Variants in DPP10 observed in about 807,000 individuals in gnomAD.
DPP10 encodes the protein dipeptidyl peptidase like 10.
Under a neutral mutation model 120.9 loss-of-function variants are expected in DPP10, and 33 were observed. That is an observed-to-expected ratio of 0.27 (90% confidence interval 0.21 to 0.37). The LOEUF is 0.37. Among genes scored for constraint, DPP10 ranks in the 10% least tolerant of loss-of-function variants. The probability of loss-of-function intolerance (pLI) is 1.00; values close to 1 mark genes in which losing one functional copy is unlikely to be tolerated. For synonymous variants in DPP10, 337 were observed against 326.1 expected (o/e 1.03, Z -0.36); for missense variants, 816 against 942.8 (o/e 0.87, Z 1.76).
At chr2:114,477,707 G>A (rs918555489) in intron 1 of DPP10, among the ~76,000 whole-genome samples, 1 of 116,274 alleles carries the variant, frequency 8.6e-6, no homozygotes, top group Non-Finnish European at 2.1e-5. Flanking sequence ...GTATGTGTGT[G>A]TGTATATATA....
intron 1 of DPP10, among the ~76,000 whole-genome samples, chr2:114,713,366 A>G (rs1245672515): frequency 1.3e-5 from 2 of 152,214 alleles, no homozygotes; most frequent in Non-Finnish European, 1.5e-5. Context: ...GTTAAAGGGT[A>G]AAATTATTTT....
chr2:115,625,851 A>G (rs966065673), intron 5 of DPP10, among the ~76,000 whole-genome samples: 5 of 152,026 alleles, frequency 3.3e-5, no homozygotes, highest in Admixed American at 6.6e-5. Flanking sequence ...GTTTTCTCTG[A>G]ACTGATATAA....
At chr2:114,918,201 G>T (rs1040009755) in intron 1 of DPP10, among the ~76,000 whole-genome samples, 7 of 152,118 alleles carry the variant, frequency 4.6e-5, no homozygotes, top group Non-Finnish European at 8.8e-5. Context: ...AGGAAAAAAT[G>T]TTCAATATCA....
At chr2:115,298,512 A>G (rs1297277735) in intron 1 of DPP10, among the ~76,000 whole-genome samples, 1 of 152,050 alleles carries the variant, frequency 6.6e-6, no homozygotes, top group Non-Finnish European at 1.5e-5. Context: ...CACAGGAATC[A>G]TCTGGAGAGC....
At chr2:114,625,041 G>A (rs1694407863) in intron 1 of DPP10, among the ~76,000 whole-genome samples, 1 of 151,922 alleles carries the variant, frequency 6.6e-6, no homozygotes, top group Admixed American at 6.6e-5. Flanking sequence ...CAATAATTAT[G>A]TAATATTTTC....
chr2:115,343,608 G>C (rs901907421), intron 2 of DPP10, among the ~76,000 whole-genome samples: 1 of 151,938 alleles, frequency 6.6e-6, no homozygotes, highest in African/African-American at 2.4e-5. Flanking sequence ...ATTTGTACCA[G>C]ATCAAGACAA....
intron 1 of DPP10, among the ~76,000 whole-genome samples, chr2:115,212,128 G>T (rs2056553469): frequency 6.6e-6 from 1 of 151,976 alleles, no homozygotes; most frequent in Non-Finnish European, 1.5e-5. Context: ...TCAAGTTGTG[G>T]GGTTAATCTT....
At chr2:115,340,566 C>G (rs1056681530) in intron 2 of DPP10, among the ~76,000 whole-genome samples, 1 of 151,520 alleles carries the variant, frequency 6.6e-6, no homozygotes, top group Non-Finnish European at 1.5e-5. Flanking sequence ...ATGAAAGATA[C>G]CATGTTTGAA....
At chr2:115,309,214 A>C in intron 1 of DPP10, 25 bp from the exon 2 acceptor site, 1 of 1,595,654 alleles carries the variant, frequency 6.3e-7, no homozygotes, top group Non-Finnish European at 8.6e-7. Flanking sequence ...GAATAATTAC[A>C]AAACTTTTTT....
intron 7 of DPP10, among the ~76,000 whole-genome samples, chr2:115,715,211 T>C (rs1575589402): frequency 2.0e-5 from 3 of 150,630 alleles, no homozygotes; most frequent in Admixed American, 6.6e-5. Flanking sequence ...TGGTGGCACA[T>C]GCCTGTAATC....
At chr2:115,110,300 G>A (rs1473191306) in intron 1 of DPP10, among the ~76,000 whole-genome samples, 3 of 152,130 alleles carry the variant, frequency 2.0e-5, no homozygotes, top group Non-Finnish European at 2.9e-5. Context: ...TATGATCTTA[G>A]GCAAACCAAC....
At chr2:115,494,221 C>T (rs1469245921) in intron 3 of DPP10, among the ~76,000 whole-genome samples, 1 of 152,154 alleles carries the variant, frequency 6.6e-6, no homozygotes, top group Non-Finnish European at 1.5e-5. Context: ...GGATTACAAG[C>T]ATGAGCCACC....
chr2:115,455,945 A>T (rs1329357704), intron 3 of DPP10, among the ~76,000 whole-genome samples: 1 of 152,206 alleles, frequency 6.6e-6, no homozygotes, highest in East Asian at 1.9e-4. Flanking sequence ...AGCAATGGCA[A>T]CAAAAGCCAC....
intron 1 of DPP10, among the ~76,000 whole-genome samples, chr2:115,294,499 C>T (rs1334189556): frequency 1.3e-5 from 2 of 151,736 alleles, no homozygotes; most frequent in African/African-American, 4.8e-5. Flanking sequence ...TGTACTCTCT[C>T]TTTCTTTTGT....
intron 1 of DPP10, among the ~76,000 whole-genome samples, chr2:115,235,925 G>A (rs558769950): frequency 9.2e-5 from 14 of 152,266 alleles, no homozygotes; most frequent in Admixed American, 7.2e-4. Context: ...TATGGCTTAA[G>A]TCTGCCTCAT....
At chr2:115,024,534 A>C (rs1016488838) in intron 1 of DPP10, among the ~76,000 whole-genome samples, 2 of 151,520 alleles carry the variant, frequency 1.3e-5, no homozygotes, top group African/African-American at 4.8e-5. Flanking sequence ...TAACAGATGC[A>C]CATGTTTTCA....
intron 4 of DPP10, among the ~76,000 whole-genome samples, chr2:115,514,025 C>A (rs577217584): frequency 6.6e-6 from 1 of 151,996 alleles, no homozygotes; most frequent in African/African-American, 2.4e-5. Flanking sequence ...GAAAGTTTAG[C>A]TCGATATAGA....
intron 3 of DPP10, among the ~76,000 whole-genome samples, chr2:115,453,477 T>G (rs1230916259): frequency 6.6e-6 from 1 of 151,546 alleles, no homozygotes; most frequent in African/African-American, 2.4e-5. Context: ...AAAAATAGAA[T>G]TAAATTAGAA....
At chr2:114,443,226 T>C (rs1328526189) in intron 1 of DPP10, among the ~76,000 whole-genome samples, 1 of 152,156 alleles carries the variant, frequency 6.6e-6, no homozygotes, top group Non-Finnish European at 1.5e-5. Flanking sequence ...AGGATTTCAT[T>C]GTCATATGAA....
Sources: allele counts gnomAD v4.1 joint callset (sites outside exome capture counted in the v4.1 genomes callset), GRCh38; gene constraint gnomAD v4.1.1; transcripts MANE v1.5; gene names NCBI Gene and HGNC (gene_info 2026-07-23, HGNC 2026-07-21).